VCL: variants seen among roughly 807,000 people sequenced by gnomAD.
The protein encoded by VCL is epididymis luminal protein 114.
In VCL, 47 loss-of-function variants were observed where a neutral mutation model predicts 125.7. The ratio of observed to expected loss-of-function variants is 0.37; its 90% CI spans 0.30 to 0.48. VCL has a LOEUF of 0.48. Ranked by LOEUF, VCL falls within the 20% of genes least tolerant of loss-of-function variation. The probability of loss-of-function intolerance (pLI) is 0.99; values close to 1 mark genes in which losing one functional copy is unlikely to be tolerated. For synonymous variants in VCL, 458 were observed against 514.6 expected, an observed-to-expected ratio of 0.89 and a Z score of 1.49; for missense variants, 1,069 against 1,455.5, an observed-to-expected ratio of 0.73 and a Z score of 4.32.
intron 1 of VCL, among the ~76,000 whole-genome samples, chr10:73,999,152 A>G (rs1591642379): frequency 6.6e-6 from 1 of 152,208 alleles, no homozygotes; most frequent in East Asian, 1.9e-4. Context: ...CCTGCTGTCA[A>G]ACGGCCTCCT....
chr10:74,029,431 G>T (rs927268160), intron 1 of VCL, among the ~76,000 whole-genome samples: 3 of 152,140 alleles, frequency 2.0e-5, no homozygotes, highest in Non-Finnish European at 2.9e-5. Flanking sequence ...CTTGAGTTGA[G>T]GGGGAGGATG....
chr10:74,090,510 CA>C (rs1839861977), intron 10 of VCL, among the ~76,000 whole-genome samples: 1 of 152,122 alleles, frequency 6.6e-6, no homozygotes, highest in African/African-American at 2.4e-5. Context: ...TTCTTTGATA[CA>C]TCATGTTTAT....
intron 5 of VCL, 73 bp downstream of exon 5, chr10:74,072,925 G>C (rs1013620394): frequency 1.3e-6 from 2 of 1,531,018 alleles, no homozygotes; most frequent in Non-Finnish European, 1.8e-6. Context: ...GGTTCATTTT[G>C]TTTTCTTTTG....
intron 2 of VCL, among the ~76,000 whole-genome samples, chr10:74,055,627 C>T (rs542976413): frequency 6.6e-6 from 1 of 152,000 alleles, no homozygotes; most frequent in South Asian, 2.1e-4. Flanking sequence ...GGATTATAGG[C>T]GTTAGCCACC....
Position 74,074,886 on chromosome 10 carries a change from G to A in VCL, c.766G>A (p.Asp256Asn). The A allele has an allele frequency of 1.2e-6, 2 of 1,614,156 alleles. No homozygotes were observed. Among genetic ancestry groups the A allele is most frequent in the Non-Finnish European group, 8.5e-7 (1 of 1,180,018 alleles). The change falls in exon 6 of 22, where the codon GAT (aspartate) becomes AAT (asparagine). Residue 256 changes from aspartate to asparagine, a missense_variant. Physicochemically the swap from Asp to Asn is conservative, Grantham distance 23. This residue lies in a region of VCL where 760 missense variants were observed against 928.9 expected (regional missense o/e 0.82). Coordinates refer to ENST00000211998, the MANE Select transcript of VCL (RefSeq NM_014000.3). ...GTTACAACTCACCTCTTGGGATGAA[G>A]ATGCCTGGGCCAGCAAGGTACGTGT... The part of the protein sequence containing the change: ...RVLQLTSWDE[D>N]AWASKDTEAM...
At chr10:74,094,180 G>A in intron 10 of VCL, 91 bp from the exon 11 acceptor site, 1 of 1,502,444 alleles carries the variant, frequency 6.7e-7, no homozygotes, top group Non-Finnish European at 9.1e-7. Context: ...GGAGCAATTT[G>A]TCATCCTATT....
chr10:74,118,187 G>T lies in VCL; in HGVS notation c.*18G>T. The T allele has an allele frequency of 6.2e-7, 1 of 1,613,984 alleles. No individual in the cohort carries two copies. ...ACCAGTAGGCACCTGGCTGAGCCTGGCTGGCACAGAAACCTCTACTAAAAA... is the reference window on the plus strand; with the variant it reads ...ACCAGTAGGCACCTGGCTGAGCCTGTCTGGCACAGAAACCTCTACTAAAAA... On this transcript the variant is annotated 3_prime_UTR_variant, in exon 22 of 22. Transcript: ENST00000211998.
At chr10:74,029,347 T>C (rs1209281725) in intron 1 of VCL, among the ~76,000 whole-genome samples, 1 of 146,988 alleles carries the variant, frequency 6.8e-6, no homozygotes, top group Non-Finnish European at 1.5e-5. Context: ...TCTTCTGACC[T>C]CATGATCCCC....
At chr10:74,026,973 C>T (rs1015484910) in intron 1 of VCL, among the ~76,000 whole-genome samples, 6 of 152,160 alleles carry the variant, frequency 3.9e-5, no homozygotes, top group Admixed American at 2.6e-4. Context: ...GTTACATGCC[C>T]AGGCTTATCT....
Position 74,097,365 on chromosome 10 carries a change from G to A in VCL, c.1872+33G>A, listed in dbSNP as rs1040048899. 1.9e-6 allele frequency: 3 copies of A among 1,607,494 alleles called. No individual in the cohort carries two copies. The highest frequency in any genetic ancestry group is 2.5e-6 in the Non-Finnish European group (3 of 1,177,956). On this transcript the variant is annotated intron_variant, in intron 13 of 21. Transcript: ENST00000211998. The surrounding 1 kb of genome is among the most constrained non-coding windows in gnomAD (Gnocchi z 4.1). ...TCTGAGGTCTTCCATTTTTCTGTCAGCCTGTGCTATAGGTATATGTAAAGG... is the reference window on the plus strand; with the variant it reads ...TCTGAGGTCTTCCATTTTTCTGTCAACCTGTGCTATAGGTATATGTAAAGG...
chr10:74,089,355 C>T lies in VCL; in HGVS notation c.1176+6C>T. ...AGAAGATCGATGCTGCTCAGGTAGTCACAGTGATTTTCAGGAGGGGTGGGA... is the reference window on the plus strand; with the variant it reads ...AGAAGATCGATGCTGCTCAGGTAGTTACAGTGATTTTCAGGAGGGGTGGGA... On this transcript the variant is annotated splice_donor_region_variant and intron_variant, in intron 9 of 21. Transcript: ENST00000211998. 3.1e-6 allele frequency: 5 copies of T among 1,613,614 alleles called. No individual in the cohort carries two copies. The highest frequency in any genetic ancestry group is 4.2e-6 in the Non-Finnish European group (5 of 1,179,906).
At chr10:74,046,195 G>C (rs1046691574) in intron 2 of VCL, among the ~76,000 whole-genome samples, 5 of 151,960 alleles carry the variant, frequency 3.3e-5, no homozygotes, top group Admixed American at 6.6e-5. Context: ...AGGTTTCTTC[G>C]AGCTCTGATC....
chr10:74,039,885 T>C (rs990406796), intron 1 of VCL, among the ~76,000 whole-genome samples: 3 of 152,252 alleles, frequency 2.0e-5, no homozygotes, highest in African/African-American at 2.4e-5. Flanking sequence ...CCTAAAAGGC[T>C]CTTTATGATC....
rs750153595 is a variant in VCL, at chr10:74,114,432, TGTGTGC to T, written c.3153+51_3153+56del. The T allele has an allele frequency of 5.2e-3, 7,913 of 1,534,842 alleles. 8 individuals carry two copies. Among genetic ancestry groups the T allele is most frequent in the Non-Finnish European group, 6.0e-3 (6,714 of 1,123,120 alleles). On this transcript the variant is annotated intron_variant, in intron 20 of 21. Transcript: ENST00000211998. ...GCGTGTGTGTGTGTGTGTGTGTGTG[TGTGTGC>T]GTGTGTGTGTGTGTTGGAGGGGAGG...
intron 10 of VCL, among the ~76,000 whole-genome samples, chr10:74,091,633 A>G (rs984971153): frequency 6.6e-6 from 1 of 151,752 alleles, no homozygotes; most frequent in Non-Finnish European, 1.5e-5. Context: ...TACTAAAAAA[A>G]ATACAAAAAT....
intron 1 of VCL, among the ~76,000 whole-genome samples, chr10:74,039,726 C>T (rs890586154): frequency 3.9e-5 from 6 of 151,942 alleles, no homozygotes; most frequent in African/African-American, 1.5e-4. Context: ...TATGATTGCA[C>T]CACTGCACTC....
chr10:74,076,159 A>C (rs536744316), intron 6 of VCL: 2 of 152,734 alleles, frequency 1.3e-5, no homozygotes, highest in South Asian at 4.1e-4. Flanking sequence ...TAAAAAGAGA[A>C]AAGCATGTCT....
At chr10:74,084,564 G>A (rs979347029) in intron 8 of VCL, among the ~76,000 whole-genome samples, 5 of 151,998 alleles carry the variant, frequency 3.3e-5, no homozygotes, top group African/African-American at 1.2e-4. Flanking sequence ...TGGGATTACA[G>A]GCGTGAGCCA....
rs1248003116 is a variant in VCL at position 74,071,192 on chromosome 10, G to C, written c.499+109G>C. ...TGCAGAAGATAGGTGAAGATGCATT[G>C]GGCTTTCAGGTGTCTGCTCTGTTGA... On this transcript the variant is annotated intron_variant, in intron 4 of 21. Coordinates refer to ENST00000211998, the MANE Select transcript of VCL (RefSeq NM_014000.3). The surrounding 1 kb of genome is among the most constrained non-coding windows in gnomAD (Gnocchi z 4.1). 2.0e-5 allele frequency: 19 copies of C among 956,392 alleles called. No individual in the cohort carries two copies. The highest frequency in any genetic ancestry group is 2.8e-5 in the Non-Finnish European group (17 of 599,950). The allele number at this position is 956,392 out of a possible 1,614,324, so 59.2% of individuals were successfully genotyped here. A position where few individuals can be genotyped will look rare whatever the true frequency, so the allele number is the denominator to read the frequency against.
Sources: allele counts gnomAD v4.1 joint callset (sites outside exome capture counted in the v4.1 genomes callset), GRCh38; gene constraint gnomAD v4.1.1; regional missense constraint gnomAD v4.1.1; non-coding constraint Gnocchi (gnomAD v3.1); transcripts MANE v1.5; gene names NCBI Gene and HGNC (gene_info 2026-07-23, HGNC 2026-07-21).